Variants in CA2 observed in about 807,000 individuals in gnomAD.
CA2 encodes carbonate dehydratase II.
Under a neutral mutation model 27.8 loss-of-function variants are expected in CA2, and 23 were observed. That is an observed-to-expected ratio of 0.83 (90% CI 0.59 to 1.17). The LOEUF is 1.17. CA2 is among the 50% of genes most tolerant of loss of function. The probability of loss-of-function intolerance (pLI) is 0.00; values close to 1 mark genes in which losing one functional copy is unlikely to be tolerated. For missense variants in CA2, 300 were observed against 314.7 expected (o/e 0.95, Z 0.35); for synonymous variants, 99 against 114.9 (o/e 0.86, Z 0.88).
At position 85,480,445 on chromosome 8, in the gene CA2, G is replaced by GTGTT. The variant is rs1554548325; in HGVS notation, c.664-224_664-223insGTTT. On this transcript the variant is annotated intron_variant, in intron 6 of 6. Coordinates refer to ENST00000285379, the MANE Select transcript of CA2 (RefSeq NM_000067.3). The stretch of plus-strand genomic sequence containing the variant: ...TTAATTTTTGTGTGTGTGTGTGTGT[G>GTGTT]TTTTTTTTTTTGTAGAGACAGGGTT... Among the ~76,000 whole-genome samples, 705 of 144,518 alleles carry GTGTT rather than the reference G, an allele frequency of 4.9e-3. 6 individuals carry two copies. The highest frequency in any genetic ancestry group is 0.018 in the African/African-American group (679 of 38,702). The allele number at this position is 144,518 out of a possible 152,430, so 94.8% of individuals were successfully genotyped here. A position where few individuals can be genotyped will look rare whatever the true frequency, so the allele number is the denominator to read the frequency against.
At chr8:85,464,208 C>A in intron 1 of CA2, 93 bp downstream of exon 1, 4 of 1,201,184 alleles carry the variant, frequency 3.3e-6, no homozygotes, top group African/African-American at 1.6e-5. Flanking sequence ...GGGCCCGCAG[C>A]GCCCGCACAT....
chr8:85,480,506 C>T (rs1270240448), intron 6 of CA2, among the ~76,000 whole-genome samples, 164 bp from the exon 7 acceptor site: 1 of 151,316 alleles, frequency 6.6e-6, no homozygotes, highest in Non-Finnish European at 1.5e-5. Context: ...GAATTGCTGA[C>T]CTCAAGTGAT....
At position 85,480,690 on chromosome 8, in the gene CA2, T is replaced by G; in HGVS notation, c.684T>G (p.Leu228=). The part of the protein sequence containing the change: ...SSEQVLKFRK[L]NFNGEGEPEE... ...TTTAGGTGTTGAAATTCCGTAAACT[T>G]AACTTCAATGGGGAGGGTGAACCCG... Residue 228 remains leucine (L), a synonymous_variant, in exon 7 of 7, where the codon CTT becomes CTG. Coordinates refer to ENST00000285379, the MANE Select transcript of CA2 (RefSeq NM_000067.3). 2 of 1,613,364 alleles carry G rather than the reference T, an allele frequency of 1.2e-6. No homozygotes were observed. Among genetic ancestry groups the G allele is most frequent in the Non-Finnish European group, 1.7e-6 (2 of 1,179,390 alleles).
At chr8:85,477,792 C>T (rs1563435787) in intron 6 of CA2, among the ~76,000 whole-genome samples, 1 of 152,110 alleles carries the variant, frequency 6.6e-6, no homozygotes, top group Non-Finnish European at 1.5e-5. Flanking sequence ...CTTACATTTC[C>T]AATAAAATAT....
chr8:85,466,195 C>CTT (rs1233911916), intron 2 of CA2, among the ~76,000 whole-genome samples: 2 of 146,414 alleles, frequency 1.4e-5, no homozygotes, highest in Non-Finnish European at 3.0e-5. Flanking sequence ...ATCTCTCTCT[C>CTT]TTTTGAAACA....
At chr8:85,464,199 G>GGCCCGCAGC (rs1811581665) in intron 1 of CA2, 84 bp downstream of exon 1, 1 of 1,285,932 alleles carries the variant, frequency 7.8e-7, no homozygotes, top group Non-Finnish European at 1.1e-6. Flanking sequence ...GCCGGCCCGG[G>GGCCCGCAGC]GCCCGCAGCG....
chr8:85,473,454 G>A (rs1255704243), intron 2 of CA2: 3 of 632,338 alleles, frequency 4.7e-6, no homozygotes, highest in South Asian at 4.5e-5. Flanking sequence ...CAACGCATGT[G>A]AGGAATAAAA....
intron 2 of CA2, among the ~76,000 whole-genome samples, chr8:85,468,186 G>A (rs1811657560): frequency 6.6e-6 from 1 of 152,210 alleles, no homozygotes; most frequent in Non-Finnish European, 1.5e-5. Flanking sequence ...CTTATGTGGA[G>A]GCTTGAAGGA....
intron 2 of CA2, among the ~76,000 whole-genome samples, chr8:85,471,347 A>G (rs1486010736): frequency 6.6e-6 from 1 of 151,014 alleles, no homozygotes; most frequent in Non-Finnish European, 1.5e-5. Flanking sequence ...ACAGATTAGC[A>G]CTGAATGTGT....
intron 6 of CA2, among the ~76,000 whole-genome samples, chr8:85,478,286 T>TATGTA (rs1385528320): frequency 6.6e-6 from 1 of 152,196 alleles, no homozygotes; most frequent in African/African-American, 2.4e-5. Context: ...TTAAAGGAAA[T>TATGTA]ATGTATCTGA....
intron 2 of CA2, among the ~76,000 whole-genome samples, chr8:85,468,478 G>A (rs1468969217): frequency 6.6e-6 from 1 of 152,206 alleles, no homozygotes; most frequent in Non-Finnish European, 1.5e-5. Context: ...CCATGTGGGG[G>A]ACAGGCACGG....
intron 1 of CA2, 52 bp downstream of exon 1, chr8:85,464,167 TCCCCGATCCCCGAG>T: frequency 6.8e-7 from 1 of 1,475,406 alleles, no homozygotes. Flanking sequence ...CGATCCCCGA[TCCCCGATCCCCGAG>T]CCCGGATGCC....
intron 6 of CA2, among the ~76,000 whole-genome samples, chr8:85,478,894 T>G (rs535806874): frequency 3.3e-5 from 5 of 152,344 alleles, no homozygotes; most frequent in African/African-American, 9.6e-5. Flanking sequence ...AACCACTTCT[T>G]GAGGAGGAAA....
At position 85,473,820 on chromosome 8, in the gene CA2, T is replaced by A. The variant is rs750300261; in HGVS notation, c.351+9T>A. On this transcript the variant is annotated intron_variant, in intron 3 of 6. Transcript: ENST00000285379. The stretch of plus-strand genomic sequence containing the variant: ...AGAAATATGCTGCAGAAGTAAGATA[T>A]ACTTTTTTTTTTCTTTCCAGGGAAA... 4 of 1,396,512 alleles carry A rather than the reference T, an allele frequency of 2.9e-6. No individual in the cohort carries two copies. In the Admixed American group the frequency reaches 6.7e-5, roughly 23 times the overall value. The allele number at this position is 1,396,512 out of a possible 1,614,324, so 86.5% of individuals were successfully genotyped here. A position where few individuals can be genotyped will look rare whatever the true frequency, so the allele number is the denominator to read the frequency against.
chr8:85,480,154 G>T (rs1811865545), intron 6 of CA2, among the ~76,000 whole-genome samples: 1 of 152,150 alleles, frequency 6.6e-6, no homozygotes, highest in Non-Finnish European at 1.5e-5. Flanking sequence ...TTATATTAAA[G>T]CATACATACA....
chr8:85,475,742 A>G, intron 4 of CA2, 56 bp from the exon 5 acceptor site: 2 of 1,511,008 alleles, frequency 1.3e-6, no homozygotes, highest in South Asian at 1.1e-5. Flanking sequence ...ATAAAAATAA[A>G]AACTGGTACA....
intron 5 of CA2, 109 bp from the exon 6 acceptor site, chr8:85,477,011 T>C: frequency 9.8e-7 from 1 of 1,015,386 alleles, no homozygotes; most frequent in East Asian, 2.4e-5. Flanking sequence ...TTTTAAAAAG[T>C]GTTTTTGACC....
rs374103299 is a variant in CA2 at position 85,475,518 on chromosome 8, T to G, written c.445-280T>G. The stretch of plus-strand genomic sequence containing the variant: ...CTACAAGGAAATCAAGGCAAGCCCT[T>G]GAGGAGTATCCTTTGGCAGTTAGAG... On this transcript the variant is annotated intron_variant, in intron 4 of 6. Coordinates refer to ENST00000285379, the MANE Select transcript of CA2 (RefSeq NM_000067.3). 1.8e-4 allele frequency among the ~76,000 whole-genome samples: 27 copies of G among 152,218 alleles called. No homozygotes were observed. In the South Asian group the frequency reaches 3.5e-3, roughly 20 times the overall value.
Position 85,481,360 on chromosome 8 carries a change from A to G in CA2, c.*571A>G, listed in dbSNP as rs138521274. ...TTAATGACTTTTGAATTACAGAGATATAAATGAAGTATTATCTGTAAAAAT... is the reference window on the plus strand; with the variant it reads ...TTAATGACTTTTGAATTACAGAGATGTAAATGAAGTATTATCTGTAAAAAT... On this transcript the variant is annotated 3_prime_UTR_variant, in exon 7 of 7. Transcript: ENST00000285379. The G allele has an allele frequency of 6.5e-6, 1 of 153,646 alleles. No individual in the cohort carries two copies. The highest frequency in any genetic ancestry group is 1.5e-5 in the Non-Finnish European group (1 of 68,800). 9.5% of individuals were successfully genotyped at this position (153,646 alleles called of 1,614,324 possible). A position where few individuals can be genotyped will look rare whatever the true frequency, so the allele number is the denominator to read the frequency against.
Sources: gnomAD v4.1 joint callset for allele counts (sites outside exome capture counted in the v4.1 genomes callset) on GRCh38, gnomAD v4.1.1 for gene constraint, MANE v1.5 for transcripts, NCBI Gene and HGNC (gene_info 2026-07-23, HGNC 2026-07-21) for gene names.